The following CDK17 variants were observed in gnomAD, a reference collection of about 807,000 sequenced individuals.
CDK17 encodes cyclin-dependent kinase 17.
CDK17 carries 24 observed loss-of-function variants against 77.6 expected under a neutral mutation model. The ratio of observed to expected loss-of-function variants is 0.31; its 90% CI spans 0.22 to 0.44. The LOEUF (loss-of-function observed/expected upper bound fraction) is 0.44. Ranked by LOEUF, CDK17 falls within the 20% of genes least tolerant of loss-of-function variation. The pLI is 1.00. For missense variants in CDK17, 429 were observed against 622.5 expected (o/e 0.69, Z 3.31); for synonymous variants, 203 against 210.4 (o/e 0.96, Z 0.30).
chr12:96,323,178 A>T (rs1043641239), intron 3 of CDK17, among the ~76,000 whole-genome samples: 5 of 152,078 alleles, frequency 3.3e-5, no homozygotes, highest in Non-Finnish European at 7.4e-5. Flanking sequence ...CATGCCTGTA[A>T]TCCCAGCCCT....
chr12:96,385,046 G>A (rs1201492548), intron 1 of CDK17, among the ~76,000 whole-genome samples: 2 of 150,762 alleles, frequency 1.3e-5, no homozygotes, highest in Non-Finnish European at 3.0e-5. Flanking sequence ...AGGTGCAGTG[G>A]CTCACACCTG....
At position 96,298,885 on chromosome 12, in the gene CDK17, G is replaced by A; in HGVS notation, c.699C>T (p.Cys233=). Residue 233 remains cysteine, a synonymous_variant, in exon 7 of 17, where the codon TGC becomes TGT. Coordinates refer to ENST00000261211, the MANE Select transcript of CDK17 (RefSeq NM_002595.5). ...TTATTATACCTTCTCTTATAGCTGT[G>A]CAGGGTGCACCTTCTTCATGTTCCA... ...IRLEHEEGAP[C]TAIREVSLLK... 6.3e-7 allele frequency: 1 copy of A among 1,583,756 alleles called. No individual in the cohort carries two copies. The highest frequency in any genetic ancestry group is 2.2e-5 in the East Asian group (1 of 44,610).
chr12:96,307,295 CA>C (rs796754571), intron 5 of CDK17, among the ~76,000 whole-genome samples: 5 of 149,530 alleles, frequency 3.3e-5, no homozygotes, highest in African/African-American at 1.2e-4. Context: ...AACTCTGTCT[CA>C]AAAAAAAAGC....
intron 6 of CDK17, 22 bp from the exon 7 acceptor site, chr12:96,299,005 G>A (rs1231268402): frequency 2.5e-6 from 3 of 1,204,672 alleles, no homozygotes; most frequent in Non-Finnish European, 3.6e-6. Context: ...ATTTTTAAAG[G>A]ACGCATCAAA....
Position 96,286,740 on chromosome 12 carries a change from A to C in CDK17, c.1140T>G (p.Phe380Leu). The C allele has an allele frequency of 6.2e-7, 1 of 1,612,884 alleles. No individual in the cohort carries two copies. The highest frequency in any genetic ancestry group is 8.5e-7 in the Non-Finnish European group (1 of 1,179,152). Residue 380 changes from phenylalanine to leucine, a missense_variant, in exon 12 of 17, where the codon TTT becomes TTG. By Grantham distance (22) the Phe-to-Leu change is conservative. This residue lies in a region of CDK17 where 51 missense variants were observed against 96.5 expected (regional missense o/e 0.53). Transcript: ENST00000261211. ...ATAAAGGTCTTCCAGAAGCCATTTC[A>C]AAGAAAATGCAACCAACACCCCTTT... ...IDMWGVGCIFFEMASGRPLFP... is the reference protein window; with the variant it reads ...IDMWGVGCIFLEMASGRPLFP...
chr12:96,308,732 A>AATAATAATAATAATC (rs1952609322), intron 5 of CDK17, among the ~76,000 whole-genome samples: 1 of 11,544 alleles, frequency 8.7e-5, no homozygotes, highest in Non-Finnish European at 1.6e-4. Flanking sequence ...CGTCTCCAAA[A>AATAATAATAATAATC]ATAATAATAA....
intron 8 of CDK17, 85 bp downstream of exon 8, chr12:96,297,542 A>C: frequency 1.0e-6 from 1 of 990,014 alleles, no homozygotes; most frequent in East Asian, 2.4e-5. Context: ...TGCAGTTTAA[A>C]GAAAAATAAA....
intron 1 of CDK17, among the ~76,000 whole-genome samples, chr12:96,365,714 A>G (rs1164360762): frequency 6.6e-6 from 1 of 152,206 alleles, no homozygotes; most frequent in Non-Finnish European, 1.5e-5. Flanking sequence ...AATGAGGTCA[A>G]CTTATCTGAT....
intron 1 of CDK17, among the ~76,000 whole-genome samples, chr12:96,351,820 T>C (rs1953316880): frequency 1.3e-5 from 2 of 152,178 alleles, no homozygotes; most frequent in African/African-American, 2.4e-5. Flanking sequence ...ATATGACCTA[T>C]ACCAATTATG....
At chr12:96,305,637 C>CA (rs1555200500) in intron 5 of CDK17, among the ~76,000 whole-genome samples, 2 of 151,832 alleles carry the variant, frequency 1.3e-5, no homozygotes, top group South Asian at 2.1e-4. Flanking sequence ...AGATTAAAAA[C>CA]AAAAAAGAAC....
chr12:96,337,584 A>G (rs1953061057), intron 1 of CDK17, among the ~76,000 whole-genome samples: 1 of 152,196 alleles, frequency 6.6e-6, no homozygotes, highest in South Asian at 2.1e-4. Flanking sequence ...AAAGTAAACC[A>G]TGAAGTTCAT....
chr12:96,379,593 T>C (rs1245067063), intron 1 of CDK17, among the ~76,000 whole-genome samples: 1 of 151,916 alleles, frequency 6.6e-6, no homozygotes, highest in Non-Finnish European at 1.5e-5. Context: ...GCCTGGCTAA[T>C]TTCTTAAACA....
At position 96,400,335 on chromosome 12, in the gene CDK17, C is replaced by T; in HGVS notation, c.-379G>A. The T allele has an allele frequency of 2.6e-6, 1 of 388,082 alleles. No homozygotes were observed. The highest frequency in any genetic ancestry group is 4.6e-6 in the Non-Finnish European group (1 of 219,374). 24.0% of individuals were successfully genotyped at this position (388,082 alleles called of 1,614,324 possible). A position where few individuals can be genotyped will look rare whatever the true frequency, so the allele number is the denominator to read the frequency against. On this transcript the variant is annotated 5_prime_UTR_variant, in exon 1 of 17. Coordinates refer to ENST00000261211, the MANE Select transcript of CDK17 (RefSeq NM_002595.5). ...GAGACTGTCTGGCCGGGCGCTGGCT[C>T]CTTCTCCGCGGCTCTGCGGCGGCCC...
At chr12:96,284,593 G>T in intron 13 of CDK17, 1 of 146,056 alleles carries the variant, frequency 6.8e-6, no homozygotes, top group Admixed American at 6.9e-5. Context: ...ATGGTGTTTC[G>T]CTCTTGTTGC....
intron 7 of CDK17, among the ~76,000 whole-genome samples, 177 bp downstream of exon 7, chr12:96,298,690 TAA>T (rs1217085751): frequency 6.6e-6 from 1 of 152,250 alleles, no homozygotes; most frequent in Non-Finnish European, 1.5e-5. Flanking sequence ...GATTTCATTA[TAA>T]GTTATACACT....
intron 1 of CDK17, among the ~76,000 whole-genome samples, chr12:96,339,362 G>A (rs1021957538): frequency 4.6e-5 from 7 of 151,892 alleles, no homozygotes; most frequent in Admixed American, 2.0e-4. Context: ...GTTGCCAGGG[G>A]CTGGGGGAAG....
chr12:96,311,601 CTTTA>C (rs1952646134), intron 4 of CDK17, among the ~76,000 whole-genome samples: 1 of 95,572 alleles, frequency 1.0e-5, no homozygotes, highest in Admixed American at 1.2e-4. Context: ...GGCATTTCTA[CTTTA>C]TTTAATTATA....
chr12:96,367,668 T>A lies in CDK17; in HGVS notation c.-30+32318A>T, dbSNP rs1953609913. On this transcript the variant is annotated intron_variant, in intron 1 of 16. Coordinates refer to ENST00000261211, the MANE Select transcript of CDK17 (RefSeq NM_002595.5). ...ATGTGAGATTACCTATCCTGGCATG[T>A]GAGTCACAGCAGAAGCAAAGTTGAA... Among the ~76,000 whole-genome samples, 3 of 152,160 alleles carry A rather than the reference T, an allele frequency of 2.0e-5. No homozygotes were observed. In the South Asian group the frequency reaches 6.2e-4, roughly 32 times the overall value.
chr12:96,393,731 T>A (rs1255498543), intron 1 of CDK17, among the ~76,000 whole-genome samples: 5 of 151,382 alleles, frequency 3.3e-5, no homozygotes, highest in Admixed American at 3.3e-4. Context: ...AGACCCTGTA[T>A]CTTAACAAAC....
Sources: allele counts gnomAD v4.1 joint callset (sites outside exome capture counted in the v4.1 genomes callset), GRCh38; gene constraint gnomAD v4.1.1; regional missense constraint gnomAD v4.1.1; transcripts MANE v1.5; gene names NCBI Gene and HGNC (gene_info 2026-07-23, HGNC 2026-07-21).